The following DGKB variants were observed in gnomAD, a reference collection of about 807,000 sequenced individuals.
DGKB encodes diacylglycerol kinase beta.
Under a neutral mutation model 114.3 loss-of-function variants are expected in DGKB, and 67 were observed. That is an observed-to-expected ratio of 0.59 (90% CI 0.48 to 0.72). The LOEUF (loss-of-function observed/expected upper bound fraction) is 0.72. DGKB is among the 30% of genes least tolerant of loss of function. The pLI is 0.00. For missense variants in DGKB, 907 were observed against 975.2 expected (o/e 0.93, Z 0.93); for synonymous variants, 398 against 323.1 (o/e 1.23, Z -2.49).
At chr7:14,437,640 T>A (rs1293407509) in intron 21 of DGKB, among the ~76,000 whole-genome samples, 1 of 151,986 alleles carries the variant, frequency 6.6e-6, no homozygotes, top group African/African-American at 2.4e-5. Context: ...TTAATTTGCA[T>A]CTTGAAAGGG....
At chr7:14,813,327 A>G (rs1000690406) in intron 2 of DGKB, among the ~76,000 whole-genome samples, 3 of 152,222 alleles carry the variant, frequency 2.0e-5, no homozygotes, top group Admixed American at 6.5e-5. Flanking sequence ...CTACTCTCCT[A>G]TTTAGTATAC....
rs374451501 is a variant in DGKB at position 14,899,024 on chromosome 7, C to A, written c.-188+3568G>T. 7.9e-5 allele frequency among the ~76,000 whole-genome samples: 12 copies of A among 152,106 alleles called. No homozygotes were observed. In the East Asian group the frequency reaches 1.5e-3, roughly 20 times the overall value. ...TTTAAATTTAGCATGCTGAGAAAGACCAATCTTAAAATATTGTTTGGCTCT... is the reference window on the plus strand; with the variant it reads ...TTTAAATTTAGCATGCTGAGAAAGAACAATCTTAAAATATTGTTTGGCTCT... On this transcript the variant is annotated intron_variant, in intron 1 of 25. Transcript: ENST00000402815.
chr7:14,268,077 G>A (rs747610178), intron 23 of DGKB, among the ~76,000 whole-genome samples: 5 of 152,000 alleles, frequency 3.3e-5, no homozygotes, highest in Admixed American at 1.3e-4. Flanking sequence ...TTCTATATTC[G>A]TTTTGGAGAT....
intron 23 of DGKB, among the ~76,000 whole-genome samples, chr7:14,280,524 T>G (rs1341969061): frequency 6.8e-6 from 1 of 147,596 alleles, no homozygotes; most frequent in African/African-American, 2.5e-5. Flanking sequence ...ACAAAGATAC[T>G]CCTCGAGAAG....
At chr7:14,612,154 CATTTTATTTTATTTT>C (rs372883232) in intron 16 of DGKB, among the ~76,000 whole-genome samples, 11 of 145,798 alleles carry the variant, frequency 7.5e-5, no homozygotes, top group Non-Finnish European at 1.4e-4. Context: ...ATCTTATACT[CATTTTATTTTATTTT>C]ATTTTATTTT....
intron 1 of DGKB, among the ~76,000 whole-genome samples, chr7:14,932,012 C>T (rs1187693735): frequency 1.3e-5 from 2 of 152,138 alleles, no homozygotes; most frequent in African/African-American, 2.4e-5. Context: ...TTCCCAGGAC[C>T]ATGGACAGAC....
At chr7:14,563,033 G>C (rs1224827978) in intron 20 of DGKB, among the ~76,000 whole-genome samples, 1 of 152,158 alleles carries the variant, frequency 6.6e-6, no homozygotes, top group Non-Finnish European at 1.5e-5. Flanking sequence ...ACAGGGGCAG[G>C]TCTTTCCCAT....
intron 23 of DGKB, chr7:14,268,912 A>G (rs1355757492): frequency 6.6e-6 from 1 of 152,184 alleles, no homozygotes; most frequent in Non-Finnish European, 1.5e-5. Flanking sequence ...TTTGTTTAGC[A>G]GCTCAAAACA....
intron 21 of DGKB, among the ~76,000 whole-genome samples, chr7:14,407,069 T>A (rs765504766): frequency 6.6e-6 from 1 of 151,236 alleles, no homozygotes; most frequent in Non-Finnish European, 1.5e-5. Flanking sequence ...TAAGAAGGAG[T>A]GAAGAAGTGT....
chr7:14,545,972 G>C (rs1584723229), intron 20 of DGKB, among the ~76,000 whole-genome samples: 2 of 152,170 alleles, frequency 1.3e-5, no homozygotes, highest in African/African-American at 2.4e-5. Context: ...AAGGGAACGA[G>C]AGTATTGGCT....
At chr7:14,667,752 T>G (rs1348147494) in intron 13 of DGKB, among the ~76,000 whole-genome samples, 1 of 152,106 alleles carries the variant, frequency 6.6e-6, no homozygotes, top group Non-Finnish European at 1.5e-5. Flanking sequence ...GGCAGAACAG[T>G]TTCATTAATT....
intron 21 of DGKB, among the ~76,000 whole-genome samples, chr7:14,476,687 T>G (rs1035173024): frequency 6.6e-6 from 1 of 151,894 alleles, no homozygotes; most frequent in African/African-American, 2.4e-5. Flanking sequence ...GATTTATTTG[T>G]AGGGTAAAAA....
intron 21 of DGKB, among the ~76,000 whole-genome samples, chr7:14,452,292 T>G (rs1055729916): frequency 6.6e-6 from 1 of 152,086 alleles, no homozygotes; most frequent in Non-Finnish European, 1.5e-5. Flanking sequence ...AATAGGTTTC[T>G]CAGAATGTAA....
chr7:14,340,554 C>T (rs1811445108), intron 22 of DGKB, among the ~76,000 whole-genome samples: 1 of 151,290 alleles, frequency 6.6e-6, no homozygotes. Flanking sequence ...AATTTGCAGC[C>T]TAAATTAAAA....
At chr7:14,374,464 A>G (rs1242776704) in intron 21 of DGKB, among the ~76,000 whole-genome samples, 2 of 152,158 alleles carry the variant, frequency 1.3e-5, no homozygotes, top group African/African-American at 4.8e-5. Context: ...TGAAACTTCC[A>G]TTAGAATCAT....
chr7:14,617,519 A>G (rs1252994256), intron 15 of DGKB, among the ~76,000 whole-genome samples: 1 of 151,588 alleles, frequency 6.6e-6, no homozygotes, highest in Non-Finnish European at 1.5e-5. Context: ...AATCTACTGG[A>G]CTCTTGGCTC....
chr7:14,549,764 G>A (rs1316396425), intron 20 of DGKB, among the ~76,000 whole-genome samples: 2 of 152,138 alleles, frequency 1.3e-5, no homozygotes, highest in African/African-American at 4.8e-5. Context: ...CAAGGTGGGT[G>A]GATCACAAGG....
intron 13 of DGKB, among the ~76,000 whole-genome samples, chr7:14,642,108 T>G (rs947113658): frequency 1.3e-5 from 2 of 152,140 alleles, no homozygotes; most frequent in African/African-American, 2.4e-5. Flanking sequence ...GATTACTTAT[T>G]TTGTTGTCCT....
chr7:14,363,972 A>C (rs1340686459), intron 21 of DGKB, among the ~76,000 whole-genome samples: 1 of 152,066 alleles, frequency 6.6e-6, no homozygotes, highest in Non-Finnish European at 1.5e-5. Context: ...AAGAAATATG[A>C]TAGGTCAATT....
Sources: allele counts gnomAD v4.1 joint callset (sites outside exome capture counted in the v4.1 genomes callset), GRCh38; gene constraint gnomAD v4.1.1; transcripts MANE v1.5; gene names NCBI Gene and HGNC (gene_info 2026-07-23, HGNC 2026-07-21).